The following TMEM160 variants were observed in gnomAD, a reference collection of about 807,000 sequenced individuals.
TMEM160 encodes the protein transmembrane protein 160.
A neutral mutation model predicts 13.9 loss-of-function variants in TMEM160; 10 were observed. The ratio of observed to expected loss-of-function variants is 0.72; its 90% CI spans 0.45 to 1.22. TMEM160 has a LOEUF of 1.22. Among genes scored for constraint, TMEM160 ranks in the 50% most tolerant of loss-of-function variants. The probability of loss-of-function intolerance (pLI) is 0.00; values close to 1 mark genes in which losing one functional copy is unlikely to be tolerated. For missense variants in TMEM160, 287 were observed against 283.2 expected (o/e 1.01, Z -0.10); for synonymous variants, 159 against 134.8 (o/e 1.18, Z -1.25).
At chr19:47,046,935 G>A (rs1023155880) in intron 1 of TMEM160, among the ~76,000 whole-genome samples, 19 of 152,194 alleles carry the variant, frequency 1.2e-4, no homozygotes, top group African/African-American at 4.6e-4. Context: ...TCAAGGGCCG[G>A]GTGTGGTGGC....
rs1159456811 is a variant in TMEM160, at chr19:47,048,518, C to A, written c.97G>T (p.Ala33Ser). 3 of 1,471,558 alleles carry A rather than the reference C, an allele frequency of 2.0e-6. No homozygotes were observed. Among genetic ancestry groups the A allele is most frequent in the African/African-American group, 1.5e-5 (1 of 67,526 alleles). 91.2% of individuals were successfully genotyped at this position (1,471,558 alleles called of 1,614,324 possible). ...TGGCCGGGGGCGAAGGACCCCCGGG[C>A]GCCCCCGCTCCGGGGCCGCTGAGGC... is the stretch of plus-strand genomic sequence containing the variant. ...LPPQRPRSGG[A>S]RGSFAPGHGP... The change falls in exon 1 of 3, where the codon GCC becomes TCC. Residue 33 changes from alanine to serine, a missense_variant. By Grantham distance (99) the Ala-to-Ser change is moderately conservative. Transcript: ENST00000253047.
At position 47,046,581 on chromosome 19, in the gene TMEM160, G is replaced by T. The variant is rs747900007; in HGVS notation, c.301+12C>A. ...CTGGTTCCGTGGGGCGAGAGGGGGG[G>T]TCTGCACTCACCATATGCTGCTTCC... is the stretch of plus-strand genomic sequence containing the variant. On this transcript the variant is annotated intron_variant, in intron 2 of 2. Coordinates refer to ENST00000253047, the MANE Select transcript of TMEM160 (RefSeq NM_017854.2). 9 of 1,605,904 alleles carry T rather than the reference G, an allele frequency of 5.6e-6. No individual in the cohort carries two copies. The highest frequency in any genetic ancestry group is 4.4e-5 in the South Asian group (4 of 90,936).
intron 1 of TMEM160, chr19:47,047,349 T>C (rs2057085989): frequency 8.1e-6 from 8 of 984,868 alleles, no homozygotes; most frequent in Non-Finnish European, 9.6e-6. Context: ...CCCACTCACT[T>C]CTTTCTCAGA....
At chr19:47,047,802 C>T (rs2057088862) in intron 1 of TMEM160, 3 of 771,076 alleles carry the variant, frequency 3.9e-6, no homozygotes, top group Non-Finnish European at 3.2e-6. Context: ...GCTACGATTG[C>T]GCCACTGCGG....
intron 1 of TMEM160, 90 bp from the exon 2 acceptor site, chr19:47,046,775 T>C: frequency 2.1e-6 from 2 of 954,574 alleles, no homozygotes; most frequent in Non-Finnish European, 3.3e-6. Context: ...GGGCCTCCCT[T>C]CAGCTCACCC....
At chr19:47,046,533 A>G (rs1862499) in intron 2 of TMEM160, 60 bp downstream of exon 2, 800,676 of 1,364,908 alleles carry the variant, frequency 0.59, 241,579 homozygotes, top group East Asian at 0.69. Flanking sequence ...TCACCAGGGC[A>G]GGTGATAGGG....
rs996902753 is a variant in TMEM160 at position 47,046,354 on chromosome 19, G to T, written c.302-102C>A. 4 of 1,363,596 alleles carry T rather than the reference G, an allele frequency of 2.9e-6. No homozygotes were observed. The African/African-American group carries it at 5.8e-5, about 20-fold the overall frequency. 84.5% of individuals were successfully genotyped at this position (1,363,596 alleles called of 1,614,324 possible). On this transcript the variant is annotated intron_variant, in intron 2 of 2. Coordinates refer to ENST00000253047, the MANE Select transcript of TMEM160 (RefSeq NM_017854.2). The stretch of plus-strand genomic sequence containing the variant: ...GAACAGAGGCAGGGCCGTGCCAGGG[G>T]CTAGCCTGCATCTTTGAGAATCAGA...
At chr19:47,048,331 C>T in intron 1 of TMEM160, 76 bp downstream of exon 1, 1 of 1,264,880 alleles carries the variant, frequency 7.9e-7, no homozygotes, top group Non-Finnish European at 1.1e-6. Flanking sequence ...CCTGCAGAAG[C>T]CCCCGCCCCA....
Position 47,045,947 on chromosome 19 carries a change from G to A in TMEM160, c.*40C>T. The A allele has an allele frequency of 6.7e-7, 1 of 1,500,110 alleles. No homozygotes were observed. Among genetic ancestry groups the A allele is most frequent in the South Asian group, 1.3e-5 (1 of 79,376 alleles). The allele number at this position is 1,500,110 out of a possible 1,614,324, so 92.9% of individuals were successfully genotyped here. On this transcript the variant is annotated 3_prime_UTR_variant, in exon 3 of 3. Coordinates refer to ENST00000253047, the MANE Select transcript of TMEM160 (RefSeq NM_017854.2). ...GTCAGGTTTAATGTCCCAGTCCTCG[G>A]GCGCTGTCCAGCGCCTGCCAGGCCC...
chr19:47,048,583 G>A lies in TMEM160; in HGVS notation c.32C>T (p.Ala11Val), dbSNP rs2057093687. The A allele has an allele frequency of 1.3e-6, 2 of 1,524,050 alleles. No individual in the cohort carries two copies. The highest frequency in any genetic ancestry group is 1.4e-5 in the African/African-American group (1 of 70,064). 94.4% of individuals were successfully genotyped at this position (1,524,050 alleles called of 1,614,324 possible). MGGGWWWARA[A>V]RLARLRFRRS... is the part of the protein sequence containing the mutation. ...CCGGAAGCGAAGACGGGCAAGGCGA[G>A]CGGCCCGAGCCCACCACCAGCCGCC... Residue 11 changes from alanine to valine, a missense_variant, in exon 1 of 3, where the codon GCT (alanine) becomes GTT (valine). Physicochemically the swap from Ala to Val is moderately conservative, Grantham distance 64. Coordinates refer to ENST00000253047, the MANE Select transcript of TMEM160 (RefSeq NM_017854.2).
Position 47,048,486 on chromosome 19 carries a change from G to A in TMEM160, c.129C>T (p.Pro43=), listed in dbSNP as rs1164857852. 2 of 1,417,770 alleles carry A rather than the reference G, an allele frequency of 1.4e-6. No homozygotes were observed. Among genetic ancestry groups the A allele is most frequent in the Non-Finnish European group, 9.1e-7 (1 of 1,097,844 alleles). 87.8% of individuals were successfully genotyped at this position (1,417,770 alleles called of 1,614,324 possible). A position where few individuals can be genotyped will look rare whatever the true frequency, so the allele number is the denominator to read the frequency against. ...CTGGGGGCGGCGAAGCCCCGGCGCG[G>A]GGACCGTGGCCGGGGGCGAAGGACC... ...ARGSFAPGHG[P]RAGASPPPVS... Residue 43 remains proline (P), a synonymous_variant, in exon 1 of 3, where the codon CCC becomes CCT. Coordinates refer to ENST00000253047, the MANE Select transcript of TMEM160 (RefSeq NM_017854.2).
chr19:47,047,685 A>G (rs1308955630), intron 1 of TMEM160: 1 of 707,722 alleles, frequency 1.4e-6, no homozygotes, highest in Non-Finnish European at 1.7e-6. Context: ...CCCCGTCTCT[A>G]CATAAATTAA....
intron 1 of TMEM160, chr19:47,047,441 G>A: frequency 1.0e-6 from 1 of 984,882 alleles, no homozygotes; most frequent in Non-Finnish European, 1.2e-6. Context: ...ATCTCCTACC[G>A]AGTATGGCCT....
In TMEM160 at chr19:47,046,041, G is replaced by A. The variant is rs377284578; in HGVS notation, c.513C>T (p.Asp171=). ...ELDVELVPED[D]GTASAEGPDE... ...CAGGGCCTTCCGCGGAGGCCGTCCCGTCGTCCTCGGGCACCAGCTCCACGT... is the reference window on the plus strand; with the variant it reads ...CAGGGCCTTCCGCGGAGGCCGTCCCATCGTCCTCGGGCACCAGCTCCACGT... The change falls in exon 3 of 3, where the codon GAC becomes GAT. Residue 171 remains aspartate, a synonymous_variant. Coordinates refer to ENST00000253047, the MANE Select transcript of TMEM160 (RefSeq NM_017854.2). 9 of 1,548,726 alleles carry A rather than the reference G, an allele frequency of 5.8e-6. No individual in the cohort carries two copies. Among genetic ancestry groups the A allele is most frequent in the African/African-American group, 4.1e-5 (3 of 73,388 alleles).
chr19:47,046,065 G>A lies in TMEM160; in HGVS notation c.489C>T (p.Asp163=). The change falls in exon 3 of 3, where the codon GAC becomes GAT. Residue 163 remains aspartate, a synonymous_variant. Coordinates refer to ENST00000253047, the MANE Select transcript of TMEM160 (RefSeq NM_017854.2). Reference sequence around the variant, plus strand: ...CGTCGTCCTCGGGCACCAGCTCCACGTCCAGCTCCAGCTGCCCCATGTAGA... The same window carrying A: ...CGTCGTCCTCGGGCACCAGCTCCACATCCAGCTCCAGCTGCCCCATGTAGA... ...VGLYMGQLEL[D]VELVPEDDGT... 1 of 1,547,670 alleles carries A rather than the reference G, an allele frequency of 6.5e-7. No homozygotes were observed. The highest frequency in any genetic ancestry group is 1.2e-5 in the South Asian group (1 of 84,912).
chr19:47,046,529 G>T, intron 2 of TMEM160, 64 bp downstream of exon 2: 2 of 1,361,100 alleles, frequency 1.5e-6, no homozygotes, highest in Non-Finnish European at 2.1e-6. Flanking sequence ...ACTCTCACCA[G>T]GGCAGGTGAT....
intron 1 of TMEM160, among the ~76,000 whole-genome samples, chr19:47,046,935 G>C (rs1023155880): frequency 6.6e-6 from 1 of 152,194 alleles, no homozygotes. Context: ...TCAAGGGCCG[G>C]GTGTGGTGGC....
chr19:47,046,795 C>A, intron 1 of TMEM160, 110 bp from the exon 2 acceptor site: 1 of 804,176 alleles, frequency 1.2e-6, no homozygotes, highest in South Asian at 1.5e-5. Flanking sequence ...CCATCCCATC[C>A]AGCCGCAAGG....
At chr19:47,047,678 C>G (rs1006731833) in intron 1 of TMEM160, 5 of 723,580 alleles carry the variant, frequency 6.9e-6, no homozygotes, top group African/African-American at 1.9e-5. Context: ...AGCAAGACCC[C>G]GTCTCTACAT....
Sources: allele counts gnomAD v4.1 joint callset (sites outside exome capture counted in the v4.1 genomes callset), GRCh38; gene constraint gnomAD v4.1.1; transcripts MANE v1.5; gene names NCBI Gene and HGNC (gene_info 2026-07-23, HGNC 2026-07-21).